The following EPB41L1 variants were observed in gnomAD, a reference collection of about 807,000 sequenced individuals.
EPB41L1 encodes the protein erythrocyte membrane protein band 4.1 like 1, also known as band 4.1-like protein 1.
Under a neutral mutation model 97.8 loss-of-function variants are expected in EPB41L1, and 29 were observed. The observed-to-expected ratio is 0.30, with a 90% CI of 0.22 to 0.40. The LOEUF is 0.40. EPB41L1 is among the 10% of genes least tolerant of loss of function. EPB41L1 has a pLI of 1.00. For synonymous variants in EPB41L1, 383 were observed against 459.2 expected, an observed-to-expected ratio of 0.83 and a Z score of 2.12; for missense variants, 812 against 1,162.3, an observed-to-expected ratio of 0.70 and a Z score of 4.38.
At chr20:36,139,158 C>A (rs749692184) in intron 2 of EPB41L1, among the ~76,000 whole-genome samples, 2 of 152,150 alleles carry the variant, frequency 1.3e-5, no homozygotes, top group Non-Finnish European at 2.9e-5. Flanking sequence ...ACGCTGTACC[C>A]CCAGAGAGGC....
At chr20:36,187,220 G>A (rs557753252) in intron 7 of EPB41L1, among the ~76,000 whole-genome samples, 1 of 152,300 alleles carries the variant, frequency 6.6e-6, no homozygotes, top group African/African-American at 2.4e-5. Context: ...TTTTGGAAAG[G>A]AGAATGTGCA....
At chr20:36,189,833 A>G (rs1415384992) in intron 9 of EPB41L1, among the ~76,000 whole-genome samples, 1 of 152,228 alleles carries the variant, frequency 6.6e-6, no homozygotes, top group Non-Finnish European at 1.5e-5. Flanking sequence ...GACCCGTCAC[A>G]GAGTAAGGGC....
chr20:36,111,786 C>CAAAA (rs397731410), intron 1 of EPB41L1, among the ~76,000 whole-genome samples: 3 of 90,218 alleles, frequency 3.3e-5, no homozygotes, highest in African/African-American at 7.0e-5. Context: ...GACTCTGTCT[C>CAAAA]AAAAAAAAAA....
intron 3 of EPB41L1, among the ~76,000 whole-genome samples, chr20:36,176,349 G>T (rs879342739): frequency 6.6e-6 from 1 of 152,166 alleles, no homozygotes; most frequent in African/African-American, 2.4e-5. Flanking sequence ...TCCTATATAG[G>T]TTCTGACTCC....
chr20:36,092,909 C>G lies in EPB41L1; in HGVS notation c.-65+1297C>G, dbSNP rs2057700870. 6.6e-6 allele frequency: 1 copy of G among 151,926 alleles called. No homozygotes were observed. Among genetic ancestry groups the G allele is most frequent in the Non-Finnish European group, 1.5e-5 (1 of 67,974 alleles). 9.4% of individuals were successfully genotyped at this position (151,926 alleles called of 1,614,324 possible). Reference sequence around the variant, plus strand: ...GGGTGGCCGCCGAGGGCGGCGGGCTCGATTCCCGATCTTTGGGCACTGACA... The same window carrying G: ...GGGTGGCCGCCGAGGGCGGCGGGCTGGATTCCCGATCTTTGGGCACTGACA... On this transcript the variant is annotated intron_variant, in intron 1 of 19. Transcript: ENST00000202028. This position sits in a 1 kb window ranked among gnomAD's most constrained non-coding sequence, Gnocchi z 7.0.
Position 36,229,902 on chromosome 20 carries a change from G to GA in EPB41L1, c.*569dup. 6.6e-6 allele frequency: 1 copy of GA among 152,568 alleles called. No individual in the cohort carries two copies. The allele number at this position is 152,568 out of a possible 1,614,324, so 9.5% of individuals were successfully genotyped here. ...ACACGCACAGTCAACCATTTTCCGA[G>GA]AAAAAAAGAAAATTCCCCACTTGGA... On this transcript the variant is annotated 3_prime_UTR_variant, in exon 22 of 22. Transcript: ENST00000338074.
intron 1 of EPB41L1, among the ~76,000 whole-genome samples, chr20:36,107,328 C>A (rs1167058627): frequency 6.8e-6 from 1 of 147,948 alleles, no homozygotes; most frequent in Non-Finnish European, 1.5e-5. Flanking sequence ...TCGAGCAATT[C>A]TCCTGCCTCA....
intron 2 of EPB41L1, among the ~76,000 whole-genome samples, chr20:36,144,055 G>A (rs2059746202): frequency 6.6e-6 from 1 of 152,068 alleles, no homozygotes; most frequent in African/African-American, 2.4e-5. Flanking sequence ...GTTTCACCAT[G>A]TTGGCCAGGC....
At chr20:36,192,406 C>T (rs557996307) in intron 11 of EPB41L1, among the ~76,000 whole-genome samples, 20 of 151,760 alleles carry the variant, frequency 1.3e-4, no homozygotes, top group Non-Finnish European at 2.5e-4. Context: ...TGGCAGGCGC[C>T]TGTAGTCCCA....
At position 36,212,512 on chromosome 20, in the gene EPB41L1, C is replaced by A; in HGVS notation, c.2184+136C>A. ...TGGAACCCATATGTTAATCCTGATG[C>A]TCTCCTGTGCCTCAGTGTCCTCTCT... On this transcript the variant is annotated intron_variant, in intron 16 of 21. Coordinates refer to ENST00000338074, the MANE Select transcript of EPB41L1 (RefSeq NM_012156.2). This position sits in a 1 kb window ranked among gnomAD's most constrained non-coding sequence, Gnocchi z 4.8. 1 of 735,892 alleles carries A rather than the reference C, an allele frequency of 1.4e-6. No homozygotes were observed. Among genetic ancestry groups the A allele is most frequent in the Admixed American group, 2.1e-5 (1 of 46,890 alleles). The allele number at this position is 735,892 out of a possible 1,614,324, so 45.6% of individuals were successfully genotyped here.
chr20:36,178,702 G>C, intron 5 of EPB41L1, 30 bp downstream of exon 5: 1 of 1,612,990 alleles, frequency 6.2e-7, no homozygotes, highest in Non-Finnish European at 8.5e-7. Flanking sequence ...TGGGGAGGTG[G>C]GTGGGTGAGG....
Position 36,209,507 on chromosome 20 carries a change from G to T in EPB41L1, c.1688G>T (p.Gly563Val). 6.2e-7 allele frequency: 1 copy of T among 1,613,934 alleles called. No homozygotes were observed. Among genetic ancestry groups the T allele is most frequent in the South Asian group, 1.1e-5 (1 of 91,062 alleles). Reference protein sequence around the residue: ...KANERAGLREGSEEKVKPPRP... With the variant: ...KANERAGLREVSEEKVKPPRP... ...CCATAGAGAGCAGGGCTGAGGGAGG[G>T]CTCCGAGGAGAAAGTCAAACCACCA... The change falls in exon 15 of 22, where the codon GGC (glycine) becomes GTC (valine). Residue 563 changes from glycine to valine, a missense_variant. Physicochemically the swap from Gly to Val is moderately radical, Grantham distance 109. Transcript: ENST00000338074. This position sits in a 1 kb window ranked among gnomAD's most constrained non-coding sequence, Gnocchi z 4.2.
intron 7 of EPB41L1, among the ~76,000 whole-genome samples, chr20:36,186,126 G>A (rs933255777): frequency 9.9e-5 from 15 of 152,168 alleles, no homozygotes; most frequent in Non-Finnish European, 1.8e-4. Context: ...CCCAGTAAAT[G>A]CCCATAACAC....
At chr20:36,146,607 C>T (rs1348394393) in intron 2 of EPB41L1, among the ~76,000 whole-genome samples, 13 of 152,216 alleles carry the variant, frequency 8.5e-5, no homozygotes, top group Admixed American at 8.5e-4. Flanking sequence ...AGCGGCTGGT[C>T]TAGCCGTCTG....
chr20:36,189,227 C>T (rs1332353118), intron 9 of EPB41L1, among the ~76,000 whole-genome samples: 1 of 152,180 alleles, frequency 6.6e-6, no homozygotes, highest in African/African-American at 2.4e-5. Context: ...AGGGCCTTCT[C>T]CCTCGCCTCT....
chr20:36,181,015 G>A (rs1028404200), intron 5 of EPB41L1, among the ~76,000 whole-genome samples: 1 of 152,154 alleles, frequency 6.6e-6, no homozygotes, highest in African/African-American at 2.4e-5. Flanking sequence ...GGATGATTAT[G>A]AAGATCAAAC....
Position 36,224,917 on chromosome 20 carries a change from A to T in EPB41L1, c.2637+2523A>T, listed in dbSNP as rs2147154054. Among the ~76,000 whole-genome samples, 3 of 152,130 alleles carry T rather than the reference A, an allele frequency of 2.0e-5. 1 individual carries two copies. The Middle Eastern group carries it at 0.01, about 517-fold the overall frequency. ...GCTTACTCCAGCCTCCACCTCCCGGATTCAAGTGATTCTCGTGCCTCAGCC... is the reference window on the plus strand; with the variant it reads ...GCTTACTCCAGCCTCCACCTCCCGGTTTCAAGTGATTCTCGTGCCTCAGCC... On this transcript the variant is annotated intron_variant, in intron 21 of 21. Coordinates refer to ENST00000338074, the MANE Select transcript of EPB41L1 (RefSeq NM_012156.2).
rs1248899639 is a variant in EPB41L1 at position 36,229,646 on chromosome 20, T to G, written c.*306T>G. 3.4e-6 allele frequency: 1 copy of G among 290,168 alleles called. No homozygotes were observed. Among genetic ancestry groups the G allele is most frequent in the Non-Finnish European group, 6.4e-6 (1 of 157,376 alleles). The allele number at this position is 290,168 out of a possible 1,614,324, so 18.0% of individuals were successfully genotyped here. A position where few individuals can be genotyped will look rare whatever the true frequency, so the allele number is the denominator to read the frequency against. On this transcript the variant is annotated 3_prime_UTR_variant, in exon 22 of 22. Coordinates refer to ENST00000338074, the MANE Select transcript of EPB41L1 (RefSeq NM_012156.2). ...AATTGAAGAACTGGTGGGATTTTTT[T>G]CAAGAAAAAAAATTATATAATAACT...
chr20:36,094,469 AG>A (rs1304133524), intron 1 of EPB41L1, among the ~76,000 whole-genome samples: 1 of 152,126 alleles, frequency 6.6e-6, no homozygotes, highest in African/African-American at 2.4e-5. Flanking sequence ...GTCTTATAGG[AG>A]GAAGAAATTG....
Sources: allele counts gnomAD v4.1 joint callset (sites outside exome capture counted in the v4.1 genomes callset), GRCh38; gene constraint gnomAD v4.1.1; non-coding constraint Gnocchi (gnomAD v3.1); transcripts MANE v1.5; gene names NCBI Gene and HGNC (gene_info 2026-07-23, HGNC 2026-07-21).